ASPRV1: variants seen among roughly 807,000 people sequenced by gnomAD.
ASPRV1 encodes aspartic peptidase retroviral like 1.
Under a neutral mutation model 11.0 loss-of-function variants are expected in ASPRV1, and 7 were observed. The ratio of observed to expected loss-of-function variants is 0.64; its 90% CI spans 0.36 to 1.20. The LOEUF is 1.20. Among genes scored for constraint, ASPRV1 ranks in the 50% most tolerant of loss-of-function variants. The probability of loss-of-function intolerance (pLI) is 0.02; values close to 1 mark genes in which losing one functional copy is unlikely to be tolerated. For synonymous variants in ASPRV1, 136 were observed against 138.4 expected, an observed-to-expected ratio of 0.98 and a Z score of 0.12; for missense variants, 299 against 320.0, an observed-to-expected ratio of 0.93 and a Z score of 0.50.
chr2:70,001,003 C>T, the ASPRV1 span, among the ~76,000 whole-genome samples: 1 of 151,784 alleles, frequency 6.6e-6, no homozygotes, highest in African/African-American at 2.4e-5. Flanking sequence ...TTCAAAAATG[C>T]TAATCCCCAG....
chr2:70,086,511 G>C, the ASPRV1 span: 2 of 151,452 alleles, frequency 1.3e-5, no homozygotes, highest in African/African-American at 4.8e-5. Context: ...GGGCCCTGAC[G>C]GGGCCGCCCC....
chr2:69,989,397 C>T, the ASPRV1 span, among the ~76,000 whole-genome samples: 1 of 152,258 alleles, frequency 6.6e-6, no homozygotes, highest in Non-Finnish European at 1.5e-5. Flanking sequence ...CACAACACCA[C>T]AGCACAGCAC....
chr2:70,013,144 G>A, the ASPRV1 span, among the ~76,000 whole-genome samples: 1 of 152,152 alleles, frequency 6.6e-6, no homozygotes, highest in South Asian at 2.1e-4. Context: ...ATAATTCACT[G>A]AACCATCATT....
At chr2:69,988,839 C>A in the ASPRV1 span, 7 of 456,486 alleles carry the variant, frequency 1.5e-5, no homozygotes, top group Non-Finnish European at 3.1e-5. Flanking sequence ...GCAGAAGAGT[C>A]TGGAGTAGGA....
At chr2:69,946,274 G>T in the ASPRV1 span, among the ~76,000 whole-genome samples, 1 of 152,184 alleles carries the variant, frequency 6.6e-6, no homozygotes, top group African/African-American at 2.4e-5. Context: ...GAAACTCAGG[G>T]GGAGTGCCCA....
the ASPRV1 span, among the ~76,000 whole-genome samples, chr2:70,026,478 T>G: frequency 6.6e-6 from 1 of 151,168 alleles, no homozygotes. Flanking sequence ...AAAAAACTGT[T>G]AGAAGTCAAC....
chr2:69,994,589 G>A, the ASPRV1 span, among the ~76,000 whole-genome samples: 1 of 152,204 alleles, frequency 6.6e-6, no homozygotes, highest in African/African-American at 2.4e-5. Context: ...TGTCACAGCT[G>A]GGGCAAAGAT....
At chr2:69,937,151 C>T in the ASPRV1 span, 5 of 1,555,476 alleles carry the variant, frequency 3.2e-6, no homozygotes, top group Non-Finnish European at 4.4e-6. Context: ...TGGCGCATTC[C>T]ACTGCTAGAA....
chr2:70,082,328 G>T, the ASPRV1 span, among the ~76,000 whole-genome samples: 2 of 152,032 alleles, frequency 1.3e-5, no homozygotes, highest in Non-Finnish European at 2.9e-5. Context: ...CAGGACTTTG[G>T]GAGGCTGAGG....
chr2:69,936,878 C>A, the ASPRV1 span: 1 of 437,710 alleles, frequency 2.3e-6, no homozygotes, highest in Non-Finnish European at 4.6e-6. Flanking sequence ...GTTTTCTAGT[C>A]CGGAGATCAG....
At chr2:69,954,017 C>A in the ASPRV1 span, among the ~76,000 whole-genome samples, 1 of 152,178 alleles carries the variant, frequency 6.6e-6, no homozygotes, top group Admixed American at 6.5e-5. Flanking sequence ...CATGCCTGGC[C>A]AATTCACTTT....
At chr2:69,994,501 G>A in the ASPRV1 span, among the ~76,000 whole-genome samples, 4 of 152,194 alleles carry the variant, frequency 2.6e-5, no homozygotes, top group Admixed American at 6.5e-5. Flanking sequence ...CAAGGAACCC[G>A]GGGTGCAGCA....
the ASPRV1 span, among the ~76,000 whole-genome samples, chr2:69,994,571 G>A: frequency 6.6e-6 from 1 of 152,162 alleles, no homozygotes; most frequent in Non-Finnish European, 1.5e-5. Context: ...GAGTTGGGAA[G>A]GGCTGGCTGT....
At chr2:70,051,763 T>C in the ASPRV1 span, among the ~76,000 whole-genome samples, 4 of 152,022 alleles carry the variant, frequency 2.6e-5, no homozygotes, top group Non-Finnish European at 5.9e-5. Context: ...TGCTTGAACC[T>C]AGGAGTTTGA....
the ASPRV1 span, among the ~76,000 whole-genome samples, chr2:69,977,750 T>A: frequency 1.3e-5 from 2 of 152,312 alleles, no homozygotes; most frequent in Admixed American, 1.3e-4. Flanking sequence ...ATACAGAAAG[T>A]ACCATTTCCC....
the ASPRV1 span, among the ~76,000 whole-genome samples, chr2:70,028,873 C>T: frequency 8.6e-5 from 13 of 151,952 alleles, no homozygotes; most frequent in Non-Finnish European, 1.5e-4. Context: ...ACCCAGGAGG[C>T]GGAGGGTGCA....
At chr2:69,965,117 G>C (rs1003561926), upstream of ASPRV1, among the ~76,000 whole-genome samples, 5 of 152,082 alleles carry the variant, frequency 3.3e-5, no homozygotes, top group Non-Finnish European at 7.4e-5. Context: ...GCGTGATCTC[G>C]GCTCACTGCA....
chr2:70,069,212 A>C, the ASPRV1 span: 1 of 152,166 alleles, frequency 6.6e-6, no homozygotes, highest in South Asian at 2.1e-4. Flanking sequence ...GGGGGAAAAA[A>C]ACAACCCAAG....
the ASPRV1 span, among the ~76,000 whole-genome samples, chr2:70,028,256 G>A: frequency 1.4e-4 from 22 of 152,130 alleles, no homozygotes; most frequent in Non-Finnish European, 2.6e-4. Context: ...TGATGGGGTA[G>A]GTGTGGAAAT....
Sources: gnomAD v4.1 joint callset for allele counts (sites outside exome capture counted in the v4.1 genomes callset) on GRCh38, gnomAD v4.1.1 for gene constraint, MANE v1.5 for transcripts, NCBI Gene and HGNC (gene_info 2026-07-23, HGNC 2026-07-21) for gene names.